RPS6KA5: variants seen among roughly 807,000 people sequenced by gnomAD.
The protein encoded by RPS6KA5 is ribosomal protein S6 kinase A5.
In RPS6KA5, 27 loss-of-function variants were observed where a neutral mutation model predicts 85.5. That is an observed-to-expected ratio of 0.32 (90% confidence interval 0.23 to 0.44). The LOEUF is 0.44. Among genes scored for constraint, RPS6KA5 ranks in the 20% least tolerant of loss-of-function variants. The pLI is 1.00. For missense variants in RPS6KA5, 811 were observed against 980.9 expected (o/e 0.83, Z 2.31); for synonymous variants, 334 against 348.2 (o/e 0.96, Z 0.46).
chr14:90,953,455 A>C (rs1328069381), intron 3 of RPS6KA5, among the ~76,000 whole-genome samples: 1 of 152,198 alleles, frequency 6.6e-6, no homozygotes, highest in Non-Finnish European at 1.5e-5. Context: ...AACAATATGA[A>C]ATCAGTGCAC....
intron 14 of RPS6KA5, among the ~76,000 whole-genome samples, chr14:90,877,202 T>A (rs1350391199): frequency 6.6e-6 from 1 of 152,116 alleles, no homozygotes; most frequent in South Asian, 2.1e-4. Flanking sequence ...ACTATATGCA[T>A]GAGAATGCGC....
rs978661588 is a variant in RPS6KA5 at position 90,852,319 on chromosome 14, C to G, written c.*19755G>C. 6.6e-6 allele frequency: 1 copy of G among 152,082 alleles called. No individual in the cohort carries two copies. Among genetic ancestry groups the G allele is most frequent in the Admixed American group, 6.5e-5 (1 of 15,272 alleles). The allele number at this position is 152,082 out of a possible 1,614,324, so 9.4% of individuals were successfully genotyped here. ...CCATGTTAGCCAGGATGGTCTCGAC[C>G]TCGTGATCTGCCCGCCTCGGCCTCC... is the stretch of plus-strand genomic sequence containing the variant. On this transcript the variant is annotated 3_prime_UTR_variant, in exon 17 of 17. Coordinates refer to ENST00000614987, the MANE Select transcript of RPS6KA5 (RefSeq NM_004755.4).
At chr14:91,033,285 C>T (rs2042265504) in intron 1 of RPS6KA5, among the ~76,000 whole-genome samples, 1 of 152,096 alleles carries the variant, frequency 6.6e-6, no homozygotes, top group African/African-American at 2.4e-5. Flanking sequence ...AGATTCATCC[C>T]TATCAGATTG....
intron 1 of RPS6KA5, among the ~76,000 whole-genome samples, chr14:91,051,046 A>G (rs1315502): frequency 0.74 from 111,488 of 151,414 alleles, 41,101 homozygotes; most frequent in East Asian, 0.87. Context: ...TGGCCAACAT[A>G]GCGAAACCCC....
At chr14:90,947,766 CAA>C (rs1313047164) in intron 3 of RPS6KA5, among the ~76,000 whole-genome samples, 1 of 152,086 alleles carries the variant, frequency 6.6e-6, no homozygotes, top group African/African-American at 2.4e-5. Flanking sequence ...AATGAGTTTG[CAA>C]AGAGTATTGC....
intron 1 of RPS6KA5, among the ~76,000 whole-genome samples, chr14:91,013,415 A>T (rs999402775): frequency 5.0e-4 from 76 of 152,338 alleles, no homozygotes; most frequent in Admixed American, 4.2e-3. Flanking sequence ...AGAGCATCTC[A>T]GCCCATCTGA....
At chr14:90,987,072 TATTATGGCATAAAAC>T (rs1358665124) in intron 2 of RPS6KA5, among the ~76,000 whole-genome samples, 1 of 152,260 alleles carries the variant, frequency 6.6e-6, no homozygotes, top group African/African-American at 2.4e-5. Context: ...ATCATCTTTT[TATTATGGCATAAAAC>T]ATCACAAACA....
intron 2 of RPS6KA5, among the ~76,000 whole-genome samples, chr14:90,993,994 C>A (rs1298642295): frequency 1.3e-5 from 2 of 151,660 alleles, no homozygotes; most frequent in African/African-American, 4.9e-5. Context: ...GCTCAGACAA[C>A]CCTCTCACCT....
chr14:90,966,180 C>T (rs974569239), intron 3 of RPS6KA5, among the ~76,000 whole-genome samples: 3 of 152,106 alleles, frequency 2.0e-5, no homozygotes, highest in Non-Finnish European at 2.9e-5. Context: ...AGTCAATTAG[C>T]TACAGAATTG....
chr14:90,887,945 CAAAAAAAAAAAAAAAA>C (rs34947711), intron 14 of RPS6KA5, among the ~76,000 whole-genome samples: 1 of 42,768 alleles, frequency 2.3e-5, no homozygotes, highest in African/African-American at 1.2e-4. Flanking sequence ...GAGGCTATCG[CAAAAAAAAAAAAAAAA>C]AAAAAAAAAA....
intron 5 of RPS6KA5, among the ~76,000 whole-genome samples, chr14:90,924,345 G>T (rs968162146): frequency 6.6e-6 from 1 of 151,966 alleles, no homozygotes; most frequent in Admixed American, 6.6e-5. Context: ...ATCACCAATT[G>T]TAACTTTTGA....
Position 90,868,794 on chromosome 14 carries a change from T to G in RPS6KA5, c.*3280A>C, listed in dbSNP as rs572029758. 5.3e-4 allele frequency: 80 copies of G among 152,314 alleles called. No homozygotes were observed. The highest frequency in any genetic ancestry group is 1.8e-3 in the African/African-American group (75 of 41,578). The allele number at this position is 152,314 out of a possible 1,614,324, so 9.4% of individuals were successfully genotyped here. ...ACATAAACTGAGATACAAAAGGAAT[T>G]TCCTTACTTTAAAAAAAGTGACTTC... On this transcript the variant is annotated 3_prime_UTR_variant, in exon 17 of 17. Coordinates refer to ENST00000614987, the MANE Select transcript of RPS6KA5 (RefSeq NM_004755.4).
At chr14:91,016,637 G>A (rs980758745) in intron 1 of RPS6KA5, among the ~76,000 whole-genome samples, 3 of 151,796 alleles carry the variant, frequency 2.0e-5, no homozygotes, top group African/African-American at 4.8e-5. Context: ...AGACTCCCTC[G>A]ATAAAGTGAG....
At chr14:91,055,963 A>C (rs558393558) in intron 1 of RPS6KA5, among the ~76,000 whole-genome samples, 4 of 152,338 alleles carry the variant, frequency 2.6e-5, no homozygotes, top group African/African-American at 4.8e-5. Flanking sequence ...AGACCCAGAC[A>C]AGTCTTCAGG....
intron 7 of RPS6KA5, chr14:90,911,182 G>C (rs987810555): frequency 6.6e-6 from 1 of 152,154 alleles, no homozygotes; most frequent in African/African-American, 2.4e-5. Flanking sequence ...AATGGAGTAA[G>C]AATTCTCTTT....
At position 91,060,585 on chromosome 14, in the gene RPS6KA5, T is replaced by C. The variant is rs2043632124; in HGVS notation, c.-151A>G. 27 of 1,061,498 alleles carry C rather than the reference T, an allele frequency of 2.5e-5. No homozygotes were observed. The South Asian group carries it at 7.6e-4, about 30-fold the overall frequency. 65.8% of individuals were successfully genotyped at this position (1,061,498 alleles called of 1,614,324 possible). A position where few individuals can be genotyped will look rare whatever the true frequency, so the allele number is the denominator to read the frequency against. On this transcript the variant is annotated 5_prime_UTR_variant, in exon 1 of 17. Transcript: ENST00000614987. ...GCAAAGACGAGTCTCTTTCCCGCTCTGGCCGCACGGCTCGCTCCTCGCCTC... is the reference window on the plus strand; with the variant it reads ...GCAAAGACGAGTCTCTTTCCCGCTCCGGCCGCACGGCTCGCTCCTCGCCTC...
At position 90,854,672 on chromosome 14, in the gene RPS6KA5, T is replaced by TA. The variant is rs949292890; in HGVS notation, c.*17401dup. On this transcript the variant is annotated 3_prime_UTR_variant, in exon 17 of 17. Transcript: ENST00000614987. ...TAAAAGACGTATCAGACTCACTCAG[T>TA]AAAAAATATACTATACTTACTACAA... 39 of 152,282 alleles carry TA rather than the reference T, an allele frequency of 2.6e-4. No homozygotes were observed. Among genetic ancestry groups the TA allele is most frequent in the African/African-American group, 8.7e-4 (36 of 41,566 alleles). The allele number at this position is 152,282 out of a possible 1,614,324, so 9.4% of individuals were successfully genotyped here.
chr14:90,962,532 C>T (rs1014192460), intron 3 of RPS6KA5, among the ~76,000 whole-genome samples: 5 of 151,946 alleles, frequency 3.3e-5, no homozygotes, highest in African/African-American at 1.2e-4. Context: ...GGTGATCTGC[C>T]CTCCTTGGCC....
intron 5 of RPS6KA5, among the ~76,000 whole-genome samples, chr14:90,937,705 C>G (rs1040420225): frequency 3.9e-4 from 59 of 152,202 alleles, no homozygotes; most frequent in African/African-American, 1.3e-3. Flanking sequence ...TGGATGGAAG[C>G]AGATAAAGAG....
Sources: allele counts gnomAD v4.1 joint callset (sites outside exome capture counted in the v4.1 genomes callset), GRCh38; gene constraint gnomAD v4.1.1; transcripts MANE v1.5; gene names NCBI Gene and HGNC (gene_info 2026-07-23, HGNC 2026-07-21).